Variants in PHACTR1 observed in about 807,000 individuals in gnomAD.
PHACTR1 encodes the protein RPEL repeat containing 1.
A neutral mutation model predicts 69.2 loss-of-function variants in PHACTR1; 16 were observed. That is an observed-to-expected ratio of 0.23 (90% CI 0.16 to 0.35). The LOEUF (loss-of-function observed/expected upper bound fraction) is 0.35. Among genes scored for constraint, PHACTR1 ranks in the 10% least tolerant of loss-of-function variants. PHACTR1 has a pLI of 1.00. For missense variants in PHACTR1, 510 were observed against 734.7 expected, an observed-to-expected ratio of 0.69 and a Z score of 3.54; for synonymous variants, 312 against 284.5, an observed-to-expected ratio of 1.10 and a Z score of -0.97.
intron 4 of PHACTR1, among the ~76,000 whole-genome samples, chr6:12,836,413 G>A (rs1778169958): frequency 6.6e-6 from 1 of 152,140 alleles, no homozygotes; most frequent in African/African-American, 2.4e-5. Flanking sequence ...ATTCTTTTGA[G>A]TATTTGTTAT....
chr6:13,078,834 C>A (rs867065770), intron 5 of PHACTR1, among the ~76,000 whole-genome samples: 4 of 152,098 alleles, frequency 2.6e-5, no homozygotes, highest in South Asian at 4.1e-4. Context: ...AGAGAAAGAA[C>A]AAGTAAAGGC....
intron 4 of PHACTR1, among the ~76,000 whole-genome samples, chr6:13,028,675 G>A (rs559757548): frequency 6.8e-4 from 103 of 152,304 alleles, no homozygotes; most frequent in Admixed American, 1.6e-3. Flanking sequence ...TTAGCAGCAT[G>A]CCTGGACTCT....
chr6:12,967,090 C>T lies in PHACTR1; in HGVS notation c.251-86275C>T, dbSNP rs1375392286. ...TGAGATATTACAAAATTAAAAAATC[C>T]TCAATACTTAAGTATTAAGGGCTGT... is the stretch of plus-strand genomic sequence containing the variant. On this transcript the variant is annotated intron_variant, in intron 4 of 14. Coordinates refer to ENST00000332995, the MANE Select transcript of PHACTR1 (RefSeq NM_030948.6). 2.0e-5 allele frequency among the ~76,000 whole-genome samples: 3 copies of T among 152,102 alleles called. No individual in the cohort carries two copies. In the East Asian group the frequency reaches 5.8e-4, roughly 29 times the overall value.
intron 3 of PHACTR1, among the ~76,000 whole-genome samples, chr6:12,729,375 G>C (rs910901736): frequency 2.0e-5 from 3 of 152,110 alleles, no homozygotes; most frequent in African/African-American, 7.2e-5. Flanking sequence ...TTCTAAGTTG[G>C]CTTCAAGGTG....
At chr6:13,186,744 T>C (rs1762869868) in intron 7 of PHACTR1, among the ~76,000 whole-genome samples, 3 of 152,214 alleles carry the variant, frequency 2.0e-5, no homozygotes, top group African/African-American at 4.8e-5. Context: ...GAAGGACCAG[T>C]TTTGTGGAAG....
rs1002667909 is a variant in PHACTR1 at position 13,186,674 on chromosome 6, T to C, written c.664+3988T>C. Among the ~76,000 whole-genome samples the C allele has an allele frequency of 6.6e-5, 10 of 152,222 alleles. 1 individual carries two copies. Among genetic ancestry groups the C allele is most frequent in the Admixed American group, 5.9e-4 (9 of 15,278 alleles). On this transcript the variant is annotated intron_variant, in intron 7 of 14. Transcript: ENST00000332995. The stretch of plus-strand genomic sequence containing the variant: ...ACAATAGGCAGAATACTGTACTAAG[T>C]ATCAAAGTAGATAGGAATATGTAAC...
intron 5 of PHACTR1, among the ~76,000 whole-genome samples, chr6:13,084,777 T>A (rs1812002097): frequency 1.3e-5 from 2 of 152,070 alleles, no homozygotes; most frequent in Admixed American, 1.3e-4. Flanking sequence ...TATATTATTC[T>A]GGAGGAAGGT....
chr6:12,928,411 G>A (rs1247501457), intron 4 of PHACTR1, among the ~76,000 whole-genome samples: 1 of 152,098 alleles, frequency 6.6e-6, no homozygotes, highest in African/African-American at 2.4e-5. Context: ...TTAACCCCTA[G>A]GGTTCTAGGT....
intron 4 of PHACTR1, among the ~76,000 whole-genome samples, chr6:12,859,980 G>A (rs1304839692): frequency 7.5e-6 from 1 of 133,446 alleles, no homozygotes; most frequent in African/African-American, 2.6e-5. Flanking sequence ...GGCTTAAGAA[G>A]GACATCTTCA....
intron 3 of PHACTR1, among the ~76,000 whole-genome samples, chr6:12,732,220 C>G (rs1763627897): frequency 6.6e-6 from 1 of 152,068 alleles, no homozygotes; most frequent in South Asian, 2.1e-4. Context: ...CAAAACAAAA[C>G]TCAACTAGCC....
intron 5 of PHACTR1, among the ~76,000 whole-genome samples, chr6:13,072,414 T>C (rs1160348603): frequency 1.3e-5 from 2 of 152,216 alleles, no homozygotes; most frequent in Non-Finnish European, 2.9e-5. Context: ...TATTAAAGTT[T>C]GAAAGCAGAG....
intron 4 of PHACTR1, among the ~76,000 whole-genome samples, chr6:12,822,405 C>T (rs962546663): frequency 5.9e-5 from 9 of 152,224 alleles, no homozygotes; most frequent in African/African-American, 2.2e-4. Context: ...CAGGGAGGCA[C>T]AAGGGAGCGA....
At chr6:12,781,758 G>A (rs932598906) in intron 4 of PHACTR1, among the ~76,000 whole-genome samples, 2 of 152,188 alleles carry the variant, frequency 1.3e-5, no homozygotes. Flanking sequence ...GCTTCTGATT[G>A]TCTTGACCTC....
At chr6:13,058,936 G>A (rs1807235095) in intron 5 of PHACTR1, among the ~76,000 whole-genome samples, 1 of 152,150 alleles carries the variant, frequency 6.6e-6, no homozygotes, top group South Asian at 2.1e-4. Context: ...AGGAGTGTGA[G>A]TAGCTGCAGA....
chr6:12,953,496 A>C (rs1791531352), intron 4 of PHACTR1, among the ~76,000 whole-genome samples: 1 of 152,254 alleles, frequency 6.6e-6, no homozygotes, highest in Non-Finnish European at 1.5e-5. Context: ...TTTGCAAATA[A>C]GTTAACAAAT....
intron 8 of PHACTR1, among the ~76,000 whole-genome samples, chr6:13,224,465 G>A (rs1175367005): frequency 6.6e-6 from 1 of 152,118 alleles, no homozygotes; most frequent in Non-Finnish European, 1.5e-5. Flanking sequence ...TAATAATTTG[G>A]GCCAAATTAT....
At chr6:13,106,373 G>T (rs1583384078) in intron 5 of PHACTR1, among the ~76,000 whole-genome samples, 1 of 152,126 alleles carries the variant, frequency 6.6e-6, no homozygotes, top group South Asian at 2.1e-4. Context: ...TAGTGAGTGG[G>T]GACATCCTTG....
intron 6 of PHACTR1, among the ~76,000 whole-genome samples, chr6:13,173,675 G>A (rs530216546): frequency 3.9e-5 from 6 of 152,220 alleles, no homozygotes; most frequent in Non-Finnish European, 8.8e-5. Flanking sequence ...ATTAACAGAA[G>A]CTTTCAGAGC....
chr6:12,755,767 T>C (rs1017842190), intron 4 of PHACTR1, among the ~76,000 whole-genome samples: 1 of 152,202 alleles, frequency 6.6e-6, no homozygotes. Context: ...ATTTCAAGTC[T>C]TTTAACCTGT....
Sources: gnomAD v4.1 joint callset for allele counts (sites outside exome capture counted in the v4.1 genomes callset) on GRCh38, gnomAD v4.1.1 for gene constraint, MANE v1.5 for transcripts, NCBI Gene and HGNC (gene_info 2026-07-23, HGNC 2026-07-21) for gene names.